Variants in GABRG3 observed in about 807,000 individuals in gnomAD.
GABRG3 encodes the protein gamma-aminobutyric acid type A receptor subunit gamma3.
Under a neutral mutation model 48.8 loss-of-function variants are expected in GABRG3, and 25 were observed. The observed-to-expected ratio is 0.51, with a 90% confidence interval of 0.37 to 0.72. GABRG3 has a LOEUF of 0.72. Among genes scored for constraint, GABRG3 ranks in the 30% least tolerant of loss-of-function variants. GABRG3 has a pLI of 0.00. For missense variants in GABRG3, 394 were observed against 577.9 expected (o/e 0.68, Z 3.26); for synonymous variants, 227 against 217.6 (o/e 1.04, Z -0.38).
chr15:27,164,642 C>G (rs1211824009), intron 3 of GABRG3, among the ~76,000 whole-genome samples: 1 of 152,178 alleles, frequency 6.6e-6, no homozygotes, highest in Non-Finnish European at 1.5e-5. Context: ...ATTTACTTTC[C>G]TGAAGATTCC....
chr15:27,001,857 A>T (rs1364524653), intron 2 of GABRG3, among the ~76,000 whole-genome samples: 1 of 144,226 alleles, frequency 6.9e-6, no homozygotes, highest in Non-Finnish European at 1.5e-5. Context: ...GCAGAAGGGG[A>T]CTTTTCTTGA....
intron 5 of GABRG3, among the ~76,000 whole-genome samples, chr15:27,418,055 G>A (rs1282959360): frequency 1.3e-5 from 2 of 152,178 alleles, no homozygotes; most frequent in Admixed American, 6.5e-5. Flanking sequence ...GGATTGGCCC[G>A]CACTGAAGAT....
intron 9 of GABRG3, among the ~76,000 whole-genome samples, chr15:27,529,345 G>C (rs984541462): frequency 1.1e-4 from 16 of 152,124 alleles, no homozygotes; most frequent in Non-Finnish European, 2.1e-4. Flanking sequence ...TTAATGATGT[G>C]AACAACTTTT....
At chr15:27,069,071 G>A (rs193087684) in intron 3 of GABRG3, among the ~76,000 whole-genome samples, 103 of 152,264 alleles carry the variant, frequency 6.8e-4, no homozygotes, top group African/African-American at 2.2e-3. Flanking sequence ...GCATGTTTAC[G>A]CTGGGTCAAA....
chr15:27,449,777 C>G (rs531868391), intron 5 of GABRG3, among the ~76,000 whole-genome samples: 2 of 152,188 alleles, frequency 1.3e-5, no homozygotes, highest in Non-Finnish European at 2.9e-5. Flanking sequence ...CACGCTGAGT[C>G]GTACGGCAGT....
rs189490270 is a variant in GABRG3, at chr15:27,538,512, C to T, written c.*5631C>T. 2.3e-4 allele frequency: 35 copies of T among 152,308 alleles called. No individual in the cohort carries two copies. The highest frequency in any genetic ancestry group is 2.0e-3 in the Admixed American group (30 of 15,300). 9.4% of individuals were successfully genotyped at this position (152,308 alleles called of 1,614,324 possible). Reference sequence around the variant, plus strand: ...AACAATTGAGATAATCACCTACTTTCGCCACTTCACTTTTCACATTTGTAA... The same window carrying T: ...AACAATTGAGATAATCACCTACTTTTGCCACTTCACTTTTCACATTTGTAA... On this transcript the variant is annotated 3_prime_UTR_variant, in exon 10 of 10. Coordinates refer to ENST00000615808, the MANE Select transcript of GABRG3 (RefSeq NM_033223.5).
chr15:27,174,695 A>G (rs1887690486), intron 3 of GABRG3, among the ~76,000 whole-genome samples: 1 of 151,592 alleles, frequency 6.6e-6, no homozygotes, highest in South Asian at 2.1e-4. Context: ...AGATACCATC[A>G]TTACTCTATA....
intron 6 of GABRG3, among the ~76,000 whole-genome samples, chr15:27,500,910 T>C (rs1391687616): frequency 6.6e-6 from 1 of 151,250 alleles, no homozygotes; most frequent in African/African-American, 2.4e-5. Flanking sequence ...ACGTTAGATT[T>C]AGCCTGGGGA....
chr15:27,136,962 A>G lies in GABRG3; in HGVS notation c.270+110141A>G, dbSNP rs1164683955. Reference sequence around the variant, plus strand: ...CTCCCACTTGCCTCTTCTCCAAGAGAAGAGCCTGACGCCCACCAGGATGGA... The same window carrying G: ...CTCCCACTTGCCTCTTCTCCAAGAGGAGAGCCTGACGCCCACCAGGATGGA... On this transcript the variant is annotated intron_variant, in intron 3 of 9. Coordinates refer to ENST00000615808, the MANE Select transcript of GABRG3 (RefSeq NM_033223.5). 3.9e-5 allele frequency among the ~76,000 whole-genome samples: 6 copies of G among 152,190 alleles called. No homozygotes were observed. The East Asian group carries it at 7.8e-4, about 20-fold the overall frequency.
chr15:27,258,962 A>G (rs1442180040), intron 3 of GABRG3, among the ~76,000 whole-genome samples: 1 of 152,046 alleles, frequency 6.6e-6, no homozygotes. Flanking sequence ...GTGAGCTCAC[A>G]TTTCCTTTTA....
chr15:27,254,589 A>G (rs1890555540), intron 3 of GABRG3, among the ~76,000 whole-genome samples: 1 of 151,606 alleles, frequency 6.6e-6, no homozygotes, highest in Non-Finnish European at 1.5e-5. Context: ...ATGAGGGCCC[A>G]CCTCCTGGTT....
At chr15:27,232,358 G>T (rs191290637) in intron 3 of GABRG3, among the ~76,000 whole-genome samples, 1 of 152,252 alleles carries the variant, frequency 6.6e-6, no homozygotes, top group African/African-American at 2.4e-5. Context: ...CACTCTGCAC[G>T]CGTCTGGTTT....
At chr15:27,474,240 T>C (rs544728503) in intron 5 of GABRG3, among the ~76,000 whole-genome samples, 22 of 152,314 alleles carry the variant, frequency 1.4e-4, no homozygotes, top group Admixed American at 1.3e-3. Context: ...ATATACCCAA[T>C]TGGCAGTCAG....
At chr15:27,290,082 T>TAAAAC (rs1281518167) in intron 3 of GABRG3, among the ~76,000 whole-genome samples, 5 of 151,890 alleles carry the variant, frequency 3.3e-5, no homozygotes, top group African/African-American at 1.2e-4. Flanking sequence ...AAGGACATGC[T>TAAAAC]AAAACAAAAC....
At chr15:27,012,646 A>G (rs1236442653) in intron 2 of GABRG3, among the ~76,000 whole-genome samples, 2 of 151,842 alleles carry the variant, frequency 1.3e-5, no homozygotes, top group East Asian at 3.9e-4. Context: ...TCCAAGGTAG[A>G]CTCTTCTTTC....
chr15:27,348,196 T>C (rs1894443371), intron 5 of GABRG3, among the ~76,000 whole-genome samples: 1 of 148,398 alleles, frequency 6.7e-6, no homozygotes, highest in African/African-American at 2.5e-5. Flanking sequence ...GCAGGTGTCA[T>C]TAAAACTTGA....
intron 9 of GABRG3, among the ~76,000 whole-genome samples, chr15:27,531,491 C>T (rs539655926): frequency 6.6e-6 from 1 of 152,344 alleles, no homozygotes; most frequent in Non-Finnish European, 1.5e-5. Context: ...TCTGTCCCAG[C>T]AGTGTGCCAC....
intron 3 of GABRG3, among the ~76,000 whole-genome samples, chr15:27,307,728 AATAT>A (rs1322062673): frequency 8.0e-6 from 1 of 125,680 alleles, no homozygotes; most frequent in Non-Finnish European, 1.6e-5. Context: ...TTTATATATA[AATAT>A]ATAATCATAG....
chr15:27,313,218 A>T (rs1340057689), intron 3 of GABRG3, among the ~76,000 whole-genome samples: 1 of 139,230 alleles, frequency 7.2e-6, no homozygotes, highest in Non-Finnish European at 1.5e-5. Flanking sequence ...ATGTATATGT[A>T]TATATATACG....
Sources: allele counts gnomAD v4.1 joint callset (sites outside exome capture counted in the v4.1 genomes callset), GRCh38; gene constraint gnomAD v4.1.1; transcripts MANE v1.5; gene names NCBI Gene and HGNC (gene_info 2026-07-23, HGNC 2026-07-21).